The following KCNH7 variants were observed in gnomAD, a reference collection of about 807,000 sequenced individuals.
KCNH7 encodes the protein voltage-gated inwardly rectifying potassium channel KCNH7.
In KCNH7, 49 loss-of-function variants were observed where a neutral mutation model predicts 120.8. The observed-to-expected ratio is 0.41, with a 90% confidence interval of 0.32 to 0.51. KCNH7 has a LOEUF of 0.51. KCNH7 is among the 20% of genes least tolerant of loss of function. KCNH7 has a pLI of 0.38. For missense variants in KCNH7, 1,097 were observed against 1,446.6 expected, an observed-to-expected ratio of 0.76 and a Z score of 3.92; for synonymous variants, 547 against 516.1, an observed-to-expected ratio of 1.06 and a Z score of -0.81.
At chr2:162,464,170 G>A (rs1689237956) in intron 6 of KCNH7, among the ~76,000 whole-genome samples, 1 of 151,930 alleles carries the variant, frequency 6.6e-6, no homozygotes, top group African/African-American at 2.4e-5. Context: ...GCTTATTTAA[G>A]AGACTTGATG....
intron 2 of KCNH7, among the ~76,000 whole-genome samples, chr2:162,595,478 A>G (rs868827960): frequency 3.9e-5 from 6 of 152,078 alleles, no homozygotes; most frequent in African/African-American, 1.4e-4. Flanking sequence ...CAATATGAAC[A>G]TCATAATAAA....
chr2:162,727,412 T>G (rs139914077), intron 2 of KCNH7, among the ~76,000 whole-genome samples: 139 of 152,232 alleles, frequency 9.1e-4, no homozygotes, highest in African/African-American at 3.2e-3. Flanking sequence ...TTGACATAGG[T>G]TTAAACTCTA....
At chr2:162,416,763 CA>C (rs1158490834) in intron 9 of KCNH7, among the ~76,000 whole-genome samples, 1 of 152,070 alleles carries the variant, frequency 6.6e-6, no homozygotes, top group Non-Finnish European at 1.5e-5. Flanking sequence ...GCCCCCTACC[CA>C]ACCCAATAAA....
At chr2:162,698,844 G>A (rs73974045) in intron 2 of KCNH7, among the ~76,000 whole-genome samples, 13,683 of 151,990 alleles carry the variant, frequency 0.09, 1,913 homozygotes, top group African/African-American at 0.3. Flanking sequence ...TCATTTACCT[G>A]TTATTATTTT....
chr2:162,555,922 T>C (rs767991864), intron 2 of KCNH7, among the ~76,000 whole-genome samples: 2 of 152,074 alleles, frequency 1.3e-5, no homozygotes, highest in Non-Finnish European at 2.9e-5. Flanking sequence ...TTTCAGTGTT[T>C]TATACTAGCT....
intron 6 of KCNH7, among the ~76,000 whole-genome samples, chr2:162,454,951 C>T (rs1241464416): frequency 1.3e-5 from 2 of 152,096 alleles, no homozygotes; most frequent in Non-Finnish European, 2.9e-5. Context: ...CCTGATTGCC[C>T]TGGCCAGAAC....
intron 2 of KCNH7, among the ~76,000 whole-genome samples, chr2:162,673,007 TA>T (rs2105299329): frequency 6.6e-6 from 1 of 152,096 alleles, no homozygotes; most frequent in East Asian, 1.9e-4. Context: ...GATTTAAGAA[TA>T]AATGGAGGAA....
chr2:162,769,884 G>A (rs916235157), intron 2 of KCNH7, among the ~76,000 whole-genome samples: 2 of 152,030 alleles, frequency 1.3e-5, no homozygotes, highest in African/African-American at 4.8e-5. Flanking sequence ...AGGCACAGCT[G>A]TCCTTATAAA....
chr2:162,794,840 G>GA (rs1684080404), intron 2 of KCNH7, among the ~76,000 whole-genome samples: 1 of 151,860 alleles, frequency 6.6e-6, no homozygotes, highest in South Asian at 2.1e-4. Context: ...ATTTGACATG[G>GA]AAAAATGACC....
chr2:162,773,828 C>A (rs572423095), intron 2 of KCNH7, among the ~76,000 whole-genome samples: 4 of 152,144 alleles, frequency 2.6e-5, no homozygotes, highest in African/African-American at 9.6e-5. Flanking sequence ...TATTATTATC[C>A]ATTGTTTAAA....
rs1446563214 is a variant in KCNH7, at chr2:162,458,357, T to C, written c.1129-11914A>G. ...ATATATGCATATTAAAAAATATAGTTTCTTCCAGAGCCATAAACTTAACTC... is the reference window on the plus strand; with the variant it reads ...ATATATGCATATTAAAAAATATAGTCTCTTCCAGAGCCATAAACTTAACTC... On this transcript the variant is annotated intron_variant, in intron 6 of 15. Coordinates refer to ENST00000332142, the MANE Select transcript of KCNH7 (RefSeq NM_033272.4). Among the ~76,000 whole-genome samples, 3 of 152,130 alleles carry C rather than the reference T, an allele frequency of 2.0e-5. No individual in the cohort carries two copies. In the East Asian group the frequency reaches 5.8e-4, roughly 29 times the overall value.
Position 162,653,562 on chromosome 2 carries a change from G to C in KCNH7, c.308-116482C>G, listed in dbSNP as rs148955997. ...TAAAACACTGATGAAAGAAACTGAA[G>C]ATGACATAAATCAATAGAAATATAT... On this transcript the variant is annotated intron_variant, in intron 2 of 15. Transcript: ENST00000332142. Among the ~76,000 whole-genome samples, 21 of 152,162 alleles carry C rather than the reference G, an allele frequency of 1.4e-4. 1 individual carries two copies. The highest frequency in any genetic ancestry group is 5.1e-4 in the African/African-American group (21 of 41,532).
chr2:162,641,961 A>C (rs985655454), intron 2 of KCNH7, among the ~76,000 whole-genome samples: 5 of 152,146 alleles, frequency 3.3e-5, no homozygotes, highest in African/African-American at 1.2e-4. Flanking sequence ...TAGCCATTTC[A>C]GTTTCAATGG....
At chr2:162,530,749 G>C (rs1691894211) in intron 3 of KCNH7, among the ~76,000 whole-genome samples, 2 of 151,724 alleles carry the variant, frequency 1.3e-5, no homozygotes, top group Non-Finnish European at 2.9e-5. Context: ...GGCTATCACT[G>C]GAACAACAAT....
At chr2:162,589,482 C>T (rs1476353711) in intron 2 of KCNH7, among the ~76,000 whole-genome samples, 4 of 151,906 alleles carry the variant, frequency 2.6e-5, no homozygotes, top group Non-Finnish European at 5.9e-5. Flanking sequence ...AGTTCCCAAA[C>T]CAGATGTTTT....
chr2:162,477,287 G>T (rs1317987402), intron 6 of KCNH7, among the ~76,000 whole-genome samples: 5 of 152,206 alleles, frequency 3.3e-5, no homozygotes. Flanking sequence ...CTGAATGAAT[G>T]CATCACCAGT....
intron 2 of KCNH7, among the ~76,000 whole-genome samples, chr2:162,561,520 G>A (rs1326788816): frequency 6.6e-6 from 1 of 152,162 alleles, no homozygotes; most frequent in African/African-American, 2.4e-5. Flanking sequence ...CAGTGTAAAA[G>A]CATTCCTATT....
At chr2:162,688,902 C>T (rs912146898) in intron 2 of KCNH7, among the ~76,000 whole-genome samples, 3 of 151,876 alleles carry the variant, frequency 2.0e-5, no homozygotes, top group Admixed American at 2.0e-4. Context: ...TGGAATGAAT[C>T]CTTTTTCTGT....
chr2:162,666,139 C>G (rs1174286478), intron 2 of KCNH7, among the ~76,000 whole-genome samples: 1 of 152,068 alleles, frequency 6.6e-6, no homozygotes, highest in Non-Finnish European at 1.5e-5. Flanking sequence ...ACCTTGTGCT[C>G]TAGAAGGCAA....
Sources: allele counts gnomAD v4.1 joint callset (sites outside exome capture counted in the v4.1 genomes callset), GRCh38; gene constraint gnomAD v4.1.1; transcripts MANE v1.5; gene names NCBI Gene and HGNC (gene_info 2026-07-23, HGNC 2026-07-21).